Variants in PDHX observed in about 807,000 individuals in gnomAD.
PDHX encodes pyruvate dehydrogenase complex component X.
A neutral mutation model predicts 55.3 loss-of-function variants in PDHX; 33 were observed. The observed-to-expected ratio is 0.60, with a 90% CI of 0.45 to 0.80. The LOEUF is 0.80. PDHX is among the 30% of genes least tolerant of loss of function. PDHX has a pLI of 0.00. For missense variants in PDHX, 622 were observed against 619.9 expected (o/e 1.00, Z -0.04); for synonymous variants, 226 against 219.4 (o/e 1.03, Z -0.27).
At chr11:34,975,506 G>A (rs565059779) in intron 7 of PDHX, among the ~76,000 whole-genome samples, 78 of 152,218 alleles carry the variant, frequency 5.1e-4, no homozygotes, top group African/African-American at 1.8e-3. Context: ...AGCTGTGTCT[G>A]CAAAGCTTAG....
chr11:34,936,481 A>G (rs1334722337), intron 2 of PDHX, among the ~76,000 whole-genome samples: 1 of 152,206 alleles, frequency 6.6e-6, no homozygotes, highest in East Asian at 1.9e-4. Context: ...AAGGCTTTGC[A>G]GATGAGGTAG....
intron 2 of PDHX, among the ~76,000 whole-genome samples, chr11:34,932,696 ACATT>A (rs1854208455): frequency 6.6e-6 from 1 of 152,318 alleles, no homozygotes; most frequent in African/African-American, 2.4e-5. Context: ...TAGAAAAATT[ACATT>A]TATGTTTACC....
intron 4 of PDHX, among the ~76,000 whole-genome samples, chr11:34,958,002 A>G (rs1279187296): frequency 1.3e-5 from 2 of 152,188 alleles, no homozygotes; most frequent in East Asian, 1.9e-4. Flanking sequence ...TTTAACATGC[A>G]TTCGTTTTCA....
chr11:34,981,820 T>C (rs957274236), intron 8 of PDHX, among the ~76,000 whole-genome samples: 3 of 152,258 alleles, frequency 2.0e-5, no homozygotes, highest in African/African-American at 7.2e-5. Flanking sequence ...TGTCTGTTCA[T>C]ATCCCTCGCC....
intron 1 of PDHX, among the ~76,000 whole-genome samples, chr11:34,922,821 A>C (rs1853918796): frequency 6.6e-6 from 1 of 150,914 alleles, no homozygotes; most frequent in Admixed American, 6.6e-5. Context: ...TCTTGAGCTT[A>C]ATTTGCCTTT....
chr11:34,986,967 G>A (rs1486293781), intron 9 of PDHX, among the ~76,000 whole-genome samples: 1 of 152,176 alleles, frequency 6.6e-6, no homozygotes, highest in Non-Finnish European at 1.5e-5. Flanking sequence ...TATTAACCCA[G>A]TACAATTGGA....
rs1230073746 is a variant in PDHX at position 34,916,681 on chromosome 11, G to A, written c.26G>A (p.Cys9Tyr). ...ATGGCGGCCTCCTGGAGGCTGGGCTGTGATCCGCGGCTGCTGCGTTATCTT... is the reference window on the plus strand; with the variant it reads ...ATGGCGGCCTCCTGGAGGCTGGGCTATGATCCGCGGCTGCTGCGTTATCTT... MAASWRLG[C>Y]DPRLLRYLVG... The change falls in exon 1 of 11, where the codon TGT becomes TAT. Residue 9 changes from cysteine to tyrosine, a missense_variant. Physicochemically the swap from Cys to Tyr is radical, Grantham distance 194. Transcript: ENST00000227868. The A allele has an allele frequency of 6.2e-7, 1 of 1,611,600 alleles. No individual in the cohort carries two copies. The highest frequency in any genetic ancestry group is 8.5e-7 in the Non-Finnish European group (1 of 1,179,980).
At chr11:34,985,029 G>A (rs1329920295) in intron 9 of PDHX, 1 of 328,244 alleles carries the variant, frequency 3.0e-6, no homozygotes, top group Non-Finnish European at 5.6e-6. Context: ...CCATAAAGAT[G>A]CTATATCAGG....
intron 8 of PDHX, among the ~76,000 whole-genome samples, chr11:34,983,868 C>T (rs979095075): frequency 2.6e-5 from 4 of 152,128 alleles, no homozygotes; most frequent in African/African-American, 4.8e-5. Flanking sequence ...TTTATAGATT[C>T]AATGCCATCC....
At chr11:34,964,054 GGTT>G (rs1855077842) in intron 5 of PDHX, among the ~76,000 whole-genome samples, 3 of 152,308 alleles carry the variant, frequency 2.0e-5, no homozygotes, top group Middle Eastern at 3.4e-3. Context: ...CAGTAGAGAA[GGTT>G]GTACCTGAGT....
intron 9 of PDHX, among the ~76,000 whole-genome samples, chr11:34,990,614 CAT>C (rs1857462364): frequency 1.3e-5 from 2 of 152,188 alleles, no homozygotes; most frequent in Non-Finnish European, 2.9e-5. Flanking sequence ...CTTTTCAAAT[CAT>C]GTGAACAATT....
At chr11:34,961,404 T>C (rs1327408063) in intron 5 of PDHX, among the ~76,000 whole-genome samples, 1 of 152,210 alleles carries the variant, frequency 6.6e-6, no homozygotes, top group Non-Finnish European at 1.5e-5. Context: ...ATTTCAGTAG[T>C]GTTATGTGCT....
At chr11:34,982,535 TAAAG>T (rs1855540412) in intron 8 of PDHX, among the ~76,000 whole-genome samples, 1 of 150,968 alleles carries the variant, frequency 6.6e-6, no homozygotes, top group South Asian at 2.1e-4. Context: ...GCAAGACTAA[TAAAG>T]AAGAAAAGAG....
intron 1 of PDHX, among the ~76,000 whole-genome samples, chr11:34,926,017 G>A (rs1854010983): frequency 6.6e-6 from 1 of 152,100 alleles, no homozygotes; most frequent in Non-Finnish European, 1.5e-5. Flanking sequence ...TTGTTAGCAT[G>A]CCAAGACCTG....
chr11:34,934,531 G>A (rs932244547), intron 2 of PDHX, among the ~76,000 whole-genome samples: 2 of 151,224 alleles, frequency 1.3e-5, no homozygotes, highest in South Asian at 2.1e-4. Context: ...AAACACATGC[G>A]GACATTTGAA....
At chr11:34,947,829 T>A (rs567570479) in intron 3 of PDHX, among the ~76,000 whole-genome samples, 33 of 152,220 alleles carry the variant, frequency 2.2e-4, no homozygotes, top group Non-Finnish European at 8.8e-5. Flanking sequence ...ATTTTTATAA[T>A]GGAATATTAG....
At chr11:34,916,039 C>G, upstream of PDHX, 1 of 714,860 alleles carries the variant, frequency 1.4e-6, no homozygotes, top group South Asian at 1.9e-5. Context: ...GACCACTGAT[C>G]TCCTGGGGCC....
intron 9 of PDHX, among the ~76,000 whole-genome samples, chr11:34,988,574 A>AG (rs57223441): frequency 2.1e-4 from 31 of 149,070 alleles, no homozygotes; most frequent in African/African-American, 7.4e-4. Flanking sequence ...AAAAAAAAAA[A>AG]GAAACTTGAG....
chr11:34,916,075 G>A (rs1381643192), upstream of PDHX: 1 of 1,021,058 alleles, frequency 9.8e-7, no homozygotes, highest in Non-Finnish European at 1.4e-6. Context: ...CGAACGCCAA[G>A]GTCGCGGTGC....
Sources: gnomAD v4.1 joint callset for allele counts (sites outside exome capture counted in the v4.1 genomes callset) on GRCh38, gnomAD v4.1.1 for gene constraint, MANE v1.5 for transcripts, NCBI Gene and HGNC (gene_info 2026-07-23, HGNC 2026-07-21) for gene names.